The following NOL10 variants were observed in gnomAD, a reference collection of about 807,000 sequenced individuals.
The protein encoded by NOL10 is nucleolar protein 10.
Under a neutral mutation model 103.5 loss-of-function variants are expected in NOL10, and 58 were observed. That is an observed-to-expected ratio of 0.56 (90% CI 0.45 to 0.70). The LOEUF is 0.70. Ranked by LOEUF, NOL10 falls within the 30% of genes least tolerant of loss-of-function variation. The pLI is 0.00. For synonymous variants in NOL10, 287 were observed against 282.5 expected, an observed-to-expected ratio of 1.02 and a Z score of -0.16; for missense variants, 763 against 807.3, an observed-to-expected ratio of 0.95 and a Z score of 0.67.
At chr2:10,633,167 C>T (rs1298398239) in intron 13 of NOL10, among the ~76,000 whole-genome samples, 7 of 152,002 alleles carry the variant, frequency 4.6e-5, no homozygotes, top group African/African-American at 4.8e-5. Flanking sequence ...GTCCTTGGCT[C>T]GCGGGGTGAA....
chr2:10,574,473 G>A (rs966745673), intron 20 of NOL10, among the ~76,000 whole-genome samples: 26 of 152,012 alleles, frequency 1.7e-4, no homozygotes, highest in Admixed American at 1.6e-3. Flanking sequence ...CGGTGAAACC[G>A]TGTCTCTACT....
chr2:10,664,543 T>C (rs1680450397), intron 8 of NOL10, among the ~76,000 whole-genome samples: 1 of 152,018 alleles, frequency 6.6e-6, no homozygotes, highest in Non-Finnish European at 1.5e-5. Context: ...AAATGAGGGG[T>C]CGTTGTTTGT....
At position 10,607,750 on chromosome 2, in the gene NOL10, T is replaced by TTTATTATTATTATTATTATTATTATTA. The variant is rs373298093; in HGVS notation, c.1027-440_1027-439insTAATAATAATAATAATAATAATAATAA. On this transcript the variant is annotated intron_variant, in intron 13 of 20. Coordinates refer to ENST00000381685, the MANE Select transcript of NOL10 (RefSeq NM_024894.4). ...AAAATTACCTTTTTAAAAAACAATATTTATTATTATTATTATTATTATTAT... is the reference window on the plus strand; with the variant it reads ...AAAATTACCTTTTTAAAAAACAATATTTATTATTATTATTATTATTATTATTATTATTATTATTATTATTATTATTAT... 1.3e-3 allele frequency among the ~76,000 whole-genome samples: 185 copies of TTTATTATTATTATTATTATTATTATTA among 144,734 alleles called. 1 individual carries two copies. The highest frequency in any genetic ancestry group is 9.3e-3 in the East Asian group (46 of 4,954). The allele number at this position is 144,734 out of a possible 152,430, so 95.0% of individuals were successfully genotyped here.
rs958273337 is a variant in NOL10 at position 10,644,336 on chromosome 2, C to G, written c.1010G>C (p.Gly337Ala). 2.0e-6 allele frequency: 3 copies of G among 1,538,032 alleles called. No individual in the cohort carries two copies. Among genetic ancestry groups the G allele is most frequent in the African/African-American group, 1.4e-5 (1 of 72,150 alleles). Residue 337 changes from glycine to alanine, a missense_variant, in exon 13 of 21, where the codon GGC (glycine) becomes GCC (alanine). Coordinates refer to ENST00000381685, the MANE Select transcript of NOL10 (RefSeq NM_024894.4). ...ATTACTTACTGGAATGTAATAGATG[C>G]CCATCTTGGGGGTTTCATTGGCCGT... is the stretch of plus-strand genomic sequence containing the variant. ...LLTANETPKM[G>A]IYYIPVLGPA... is the part of the protein sequence containing the mutation.
chr2:10,587,110 C>T (rs1230379626), intron 19 of NOL10, among the ~76,000 whole-genome samples: 1 of 42,182 alleles, frequency 2.4e-5, no homozygotes, highest in African/African-American at 1.3e-4. Context: ...CATATATATA[C>T]ATATATATAC....
At chr2:10,677,422 G>A (rs950671067) in intron 3 of NOL10, among the ~76,000 whole-genome samples, 4 of 146,244 alleles carry the variant, frequency 2.7e-5, no homozygotes, top group South Asian at 2.2e-4. Flanking sequence ...CCAAGATTTC[G>A]TTTAAAGAAA....
At chr2:10,587,515 C>A (rs1248811167) in intron 19 of NOL10, among the ~76,000 whole-genome samples, 1 of 151,270 alleles carries the variant, frequency 6.6e-6, no homozygotes, top group African/African-American at 2.4e-5. Context: ...ATGATCTGCC[C>A]CCCCCTTGGC....
Position 10,607,299 on chromosome 2 carries a change from C to A in NOL10, c.1039G>T (p.Ala347Ser), listed in dbSNP as rs962371387. 8.1e-6 allele frequency: 13 copies of A among 1,602,554 alleles called. No individual in the cohort carries two copies. Among genetic ancestry groups the A allele is most frequent in the African/African-American group, 1.3e-5 (1 of 74,382 alleles). The part of the protein sequence containing the change: ...GIYYIPVLGP[A>S]PRWCSFLDNL... ...TCTAAGAAGGAACACCACCGAGGAGCAGGACCCAAAACCTGTTGGTGTTTA... is the reference window on the plus strand; with the variant it reads ...TCTAAGAAGGAACACCACCGAGGAGAAGGACCCAAAACCTGTTGGTGTTTA... Residue 347 changes from alanine (A) to serine (S), a missense_variant, in exon 14 of 21, where the codon GCT (alanine) becomes TCT (serine). Transcript: ENST00000381685.
chr2:10,596,424 A>G (rs1262040863), intron 17 of NOL10, among the ~76,000 whole-genome samples: 2 of 152,188 alleles, frequency 1.3e-5, no homozygotes, highest in African/African-American at 2.4e-5. Context: ...CTGCAACTAG[A>G]AAGTCCCATC....
chr2:10,651,656 G>A (rs1161013462), intron 12 of NOL10, among the ~76,000 whole-genome samples: 1 of 151,822 alleles, frequency 6.6e-6, no homozygotes, highest in Non-Finnish European at 1.5e-5. Flanking sequence ...CCAACTCTCT[G>A]TGCCCTTCAA....
chr2:10,604,719 C>A (rs760422178), intron 14 of NOL10: 1 of 152,120 alleles, frequency 6.6e-6, no homozygotes, highest in Non-Finnish European at 1.5e-5. Context: ...TAAATAAAAA[C>A]CAAGTGAAGC....
chr2:10,667,440 G>A (rs1421135690), intron 7 of NOL10, among the ~76,000 whole-genome samples, 162 bp from the exon 8 acceptor site: 1 of 152,208 alleles, frequency 6.6e-6, no homozygotes, highest in African/African-American at 2.4e-5. Flanking sequence ...GGTATGAAAG[G>A]GTTAAGTGCT....
intron 20 of NOL10, among the ~76,000 whole-genome samples, 195 bp from the exon 21 acceptor site, chr2:10,572,385 C>T (rs1674225632): frequency 6.6e-6 from 1 of 152,120 alleles, no homozygotes; most frequent in African/African-American, 2.4e-5. Flanking sequence ...GCAGAAACAG[C>T]AGGACCAAGG....
intron 13 of NOL10, among the ~76,000 whole-genome samples, chr2:10,618,544 T>C (rs1226245597): frequency 6.6e-6 from 1 of 152,252 alleles, no homozygotes; most frequent in Middle Eastern, 3.2e-3. Flanking sequence ...CAAAGTCGTG[T>C]GTTTGCAGCA....
chr2:10,666,703 TAAA>T (rs56015136), intron 8 of NOL10, among the ~76,000 whole-genome samples: 3 of 148,070 alleles, frequency 2.0e-5, no homozygotes, highest in Admixed American at 6.7e-5. Flanking sequence ...CTGTTATGTC[TAAA>T]AAAAAAAAAG....
chr2:10,655,736 A>G (rs1021320975), intron 11 of NOL10, among the ~76,000 whole-genome samples: 4 of 152,248 alleles, frequency 2.6e-5, no homozygotes, highest in Non-Finnish European at 4.4e-5. Flanking sequence ...GATTTCAAGA[A>G]GTGATGTTGA....
chr2:10,590,366 C>A (rs1406867296), intron 17 of NOL10, among the ~76,000 whole-genome samples: 5 of 152,190 alleles, frequency 3.3e-5, no homozygotes, highest in Non-Finnish European at 7.4e-5. Context: ...CCTTGGCCTC[C>A]CATAGTACTG....
chr2:10,571,224 T>C lies in NOL10; in HGVS notation c.*847A>G, dbSNP rs1326275738. On this transcript the variant is annotated 3_prime_UTR_variant, in exon 21 of 21. Coordinates refer to ENST00000381685, the MANE Select transcript of NOL10 (RefSeq NM_024894.4). ...TTGCTATTCTGTGTTAGTGAGTTCT[T>C]GGAGATCTGGTGTTTGAAAGTGTGC... 6.6e-6 allele frequency: 1 copy of C among 152,210 alleles called. No homozygotes were observed. Among genetic ancestry groups the C allele is most frequent in the Non-Finnish European group, 1.5e-5 (1 of 68,072 alleles). 9.4% of individuals were successfully genotyped at this position (152,210 alleles called of 1,614,324 possible). A position where few individuals can be genotyped will look rare whatever the true frequency, so the allele number is the denominator to read the frequency against.
rs770506743 is a variant in NOL10 at position 10,682,014 on chromosome 2, G to C, written c.168C>G (p.Thr56=). Residue 56 remains threonine, a synonymous_variant, in exon 3 of 21, where the codon ACC becomes ACG. Transcript: ENST00000381685. ...IQDFEMPTVC[T]TIKVSKDGQY... ...GTCCATCTTTTGACACCTTAATAGT[G>C]GTACACACAGTAGGCATTTCAAAGT... The C allele has an allele frequency of 2.6e-6, 4 of 1,528,732 alleles. No individual in the cohort carries two copies. Among genetic ancestry groups the C allele is most frequent in the South Asian group, 1.3e-5 (1 of 74,582 alleles). The allele number at this position is 1,528,732 out of a possible 1,614,324, so 94.7% of individuals were successfully genotyped here. A position where few individuals can be genotyped will look rare whatever the true frequency, so the allele number is the denominator to read the frequency against.
Sources: allele counts gnomAD v4.1 joint callset (sites outside exome capture counted in the v4.1 genomes callset), GRCh38; gene constraint gnomAD v4.1.1; transcripts MANE v1.5; gene names NCBI Gene and HGNC (gene_info 2026-07-23, HGNC 2026-07-21).